The following CNIH3 variants were observed in gnomAD, a reference collection of about 807,000 sequenced individuals.
The protein encoded by CNIH3 is protein cornichon homolog 3.
In CNIH3, 14 loss-of-function variants were observed where a neutral mutation model predicts 24.1. The observed-to-expected ratio is 0.58, with a 90% CI of 0.38 to 0.91. CNIH3 has a LOEUF of 0.91. CNIH3 is among the 40% of genes least tolerant of loss of function. The pLI, the probability that CNIH3 is intolerant of heterozygous loss-of-function variation, is 0.00. For synonymous variants in CNIH3, 68 were observed against 73.8 expected (o/e 0.92, Z 0.40); for missense variants, 178 against 196.8 (o/e 0.90, Z 0.57).
At chr1:224,696,768 A>G (rs1221200712) in intron 3 of CNIH3, among the ~76,000 whole-genome samples, 1 of 122,774 alleles carries the variant, frequency 8.1e-6, no homozygotes, top group Non-Finnish European at 1.9e-5. Flanking sequence ...TGAAGGGGAT[A>G]AATTTGTGTG....
rs1687688886 is a variant in CNIH3, at chr1:224,704,754, G to A, written c.198+19911G>A. ...CCTAGTCATAGTCACATTTCCCCTA[G>A]TTTCCCTATAGTATTCTTTATAGTT... is the stretch of plus-strand genomic sequence containing the variant. On this transcript the variant is annotated intron_variant, in intron 3 of 5. Transcript: ENST00000272133. The surrounding 1 kb of genome is among the most constrained non-coding windows in gnomAD (Gnocchi z 4.2). 6.6e-6 allele frequency among the ~76,000 whole-genome samples: 1 copy of A among 152,096 alleles called. No individual in the cohort carries two copies. The highest frequency in any genetic ancestry group is 6.5e-5 in the Admixed American group (1 of 15,270).
chr1:224,609,219 CA>C (rs1198466828), intron 3 of CNIH3, among the ~76,000 whole-genome samples: 1 of 152,184 alleles, frequency 6.6e-6, no homozygotes, highest in Non-Finnish European at 1.5e-5. Flanking sequence ...AGCTGTAAAA[CA>C]CAATTTTGAA....
chr1:224,655,680 G>T (rs184045821), intron 1 of CNIH3, among the ~76,000 whole-genome samples: 2 of 152,124 alleles, frequency 1.3e-5, no homozygotes, highest in Admixed American at 6.5e-5. Context: ...CCAGGGATCC[G>T]TTGCTCACTC....
chr1:224,600,600 C>T (rs1430259188), intron 3 of CNIH3, among the ~76,000 whole-genome samples: 2 of 152,168 alleles, frequency 1.3e-5, no homozygotes, highest in Non-Finnish European at 2.9e-5. Context: ...GCCTGGAACT[C>T]CTGGCCTCAA....
At chr1:224,548,850 T>C (rs1679805373) in intron 3 of CNIH3, among the ~76,000 whole-genome samples, 1 of 151,886 alleles carries the variant, frequency 6.6e-6, no homozygotes, top group Admixed American at 6.6e-5. Context: ...ACCCTGTGTG[T>C]ATACCCTGGG....
intron 3 of CNIH3, among the ~76,000 whole-genome samples, chr1:224,593,759 A>G (rs906600621): frequency 2.6e-5 from 4 of 152,230 alleles, no homozygotes; most frequent in Admixed American, 2.0e-4. Context: ...AAGTACTTCC[A>G]TTGAACACAC....
intron 5 of CNIH3, among the ~76,000 whole-genome samples, chr1:224,584,055 TAATTTC>T (rs1681389489): frequency 6.6e-6 from 1 of 152,184 alleles, no homozygotes; most frequent in Non-Finnish European, 1.5e-5. Flanking sequence ...TCTTTGGAAA[TAATTTC>T]ACTGACAGCA....
chr1:224,549,151 G>A (rs1463802957), intron 3 of CNIH3, among the ~76,000 whole-genome samples: 1 of 151,836 alleles, frequency 6.6e-6, no homozygotes, highest in Non-Finnish European at 1.5e-5. Flanking sequence ...TACACACAGA[G>A]GGGATGTTAT....
At chr1:224,585,606 G>A (rs1019675841) in intron 5 of CNIH3, among the ~76,000 whole-genome samples, 1 of 151,618 alleles carries the variant, frequency 6.6e-6, no homozygotes, top group African/African-American at 2.4e-5. Flanking sequence ...AACCTCCCAA[G>A]TAGCCAGGAC....
At chr1:224,595,691 A>G (rs1428802440) in intron 3 of CNIH3, among the ~76,000 whole-genome samples, 2 of 152,240 alleles carry the variant, frequency 1.3e-5, no homozygotes, top group Non-Finnish European at 2.9e-5. Context: ...CAGTTAGCCA[A>G]GTTGTGAATG....
rs1377866493 is a variant in CNIH3 at position 224,655,518 on chromosome 1, G to A, written c.82-25440G>A. Among the ~76,000 whole-genome samples the A allele has an allele frequency of 9.9e-5, 15 of 152,284 alleles. No individual in the cohort carries two copies. In the East Asian group the frequency reaches 2.9e-3, roughly 29 times the overall value. On this transcript the variant is annotated intron_variant, in intron 1 of 5. Coordinates refer to ENST00000272133, the MANE Select transcript of CNIH3 (RefSeq NM_152495.2). ...TAGTTAGACTCCTCGGTTTTCACAA[G>A]TCATTGTCGATGTCACTGTCAGTGT...
At chr1:224,444,483 C>T (rs1675060513) in intron 1 of CNIH3, among the ~76,000 whole-genome samples, 1 of 151,764 alleles carries the variant, frequency 6.6e-6, no homozygotes, top group African/African-American at 2.4e-5. Context: ...CTCAGCCTCC[C>T]AAGCAGCTGG....
At chr1:224,713,877 A>G (rs530550553) in intron 3 of CNIH3, among the ~76,000 whole-genome samples, 14 of 152,312 alleles carry the variant, frequency 9.2e-5, no homozygotes, top group Middle Eastern at 3.4e-3. Context: ...ATGCAGTGGC[A>G]TAATCACAGC....
chr1:224,511,845 C>A (rs537156904), upstream of CNIH3, among the ~76,000 whole-genome samples: 1 of 151,994 alleles, frequency 6.6e-6, no homozygotes, highest in South Asian at 2.1e-4. Flanking sequence ...CAGGACAAAC[C>A]CTATCTCAAA....
At chr1:224,493,542 G>C (rs369011408) in intron 1 of CNIH3, among the ~76,000 whole-genome samples, 1 of 152,198 alleles carries the variant, frequency 6.6e-6, no homozygotes. Context: ...GGGAGTGGCA[G>C]AGAGGGGAGC....
chr1:224,507,742 C>T (rs1677977551), intron 1 of CNIH3, among the ~76,000 whole-genome samples: 1 of 152,156 alleles, frequency 6.6e-6, no homozygotes, highest in East Asian at 1.9e-4. Context: ...ATAGACTTAC[C>T]AGTGCGGGAG....
intron 4 of CNIH3, among the ~76,000 whole-genome samples, chr1:224,734,094 G>A (rs1237448383): frequency 3.3e-5 from 5 of 152,342 alleles, no homozygotes; most frequent in African/African-American, 1.2e-4. Context: ...TATCAAGAAG[G>A]AAAGCACCTG....
chr1:224,694,007 G>T (rs1210476801), intron 3 of CNIH3, among the ~76,000 whole-genome samples: 1 of 152,266 alleles, frequency 6.6e-6, no homozygotes, highest in Non-Finnish European at 1.5e-5. Flanking sequence ...TGACTTGAGT[G>T]TTTGGTAGAT....
At chr1:224,726,580 A>C (rs1208639552) in intron 3 of CNIH3, among the ~76,000 whole-genome samples, 1 of 152,078 alleles carries the variant, frequency 6.6e-6, no homozygotes, top group Non-Finnish European at 1.5e-5. Context: ...AGTGACTTCC[A>C]TCTCTCTATG....
Sources: allele counts gnomAD v4.1 joint callset (sites outside exome capture counted in the v4.1 genomes callset), GRCh38; gene constraint gnomAD v4.1.1; non-coding constraint Gnocchi (gnomAD v3.1); transcripts MANE v1.5; gene names NCBI Gene and HGNC (gene_info 2026-07-23, HGNC 2026-07-21).